The following CPLANE1 variants were observed in gnomAD, a reference collection of about 807,000 sequenced individuals.
The protein encoded by CPLANE1 is ciliogenesis and planar polarity effector complex subunit 1.
A neutral mutation model predicts 362.5 loss-of-function variants in CPLANE1; 263 were observed. The ratio of observed to expected loss-of-function variants is 0.73; its 90% confidence interval spans 0.66 to 0.80. CPLANE1 has a LOEUF of 0.80. CPLANE1 is among the 30% of genes least tolerant of loss of function. CPLANE1 has a pLI of 0.00. For synonymous variants in CPLANE1, 1,212 were observed against 1,302.6 expected (o/e 0.93, Z 1.50); for missense variants, 3,461 against 3,793.4 (o/e 0.91, Z 2.30).
At position 37,183,178 on chromosome 5, in the gene CPLANE1, A is replaced by T; in HGVS notation, c.5003T>A (p.Val1668Asp). 6.2e-7 allele frequency: 1 copy of T among 1,611,636 alleles called. No homozygotes were observed. The highest frequency in any genetic ancestry group is 8.5e-7 in the Non-Finnish European group (1 of 1,179,054). Residue 1668 changes from valine to aspartate, a missense_variant, in exon 26 of 53, where the codon GTC (valine) becomes GAC (aspartate). Val to Asp is a radical substitution (Grantham distance 152). This residue lies in a region of CPLANE1 where 3,380 missense variants were observed against 3,666.1 expected (regional missense o/e 0.92). Transcript: ENST00000651892. ...TCCACTCATTCCTTCATTCTTATTG[A>T]CTTCATTCGAAGGATATTGTAAAAA... is the stretch of plus-strand genomic sequence containing the variant. ...KPFLQYPSNE[V>D]NKNEGMSGLF...
At chr5:37,203,739 A>G (rs760695265) in intron 18 of CPLANE1, among the ~76,000 whole-genome samples, 24 of 152,170 alleles carry the variant, frequency 1.6e-4, no homozygotes, top group Non-Finnish European at 3.5e-4. Context: ...GCTGGTCTCG[A>G]ACTCCTGGGC....
At chr5:37,207,635 T>G (rs2150146150) in intron 16 of CPLANE1, among the ~76,000 whole-genome samples, 1 of 152,348 alleles carries the variant, frequency 6.6e-6, no homozygotes, top group South Asian at 2.1e-4. Context: ...CATAGGAGTT[T>G]GAACACATAG....
intron 8 of CPLANE1, among the ~76,000 whole-genome samples, chr5:37,233,261 C>A (rs1798157897): frequency 6.6e-6 from 1 of 152,244 alleles, no homozygotes; most frequent in South Asian, 2.1e-4. Context: ...AGAGGGGAGA[C>A]CAGGCACTCT....
rs900939464 is a variant in CPLANE1 at position 37,209,660 on chromosome 5, T to G, written c.2921-3235A>C. 3 of 1,394,558 alleles carry G rather than the reference T, an allele frequency of 2.2e-6. No individual in the cohort carries two copies. In the African/African-American group the frequency reaches 4.3e-5, roughly 20 times the overall value. The allele number at this position is 1,394,558 out of a possible 1,614,324, so 86.4% of individuals were successfully genotyped here. A position where few individuals can be genotyped will look rare whatever the true frequency, so the allele number is the denominator to read the frequency against. ...TTTCTGTTTTCTTTCTAGAAAGTGGTTTGGCAAAAGAAAAGGTATTTACTA... is the reference window on the plus strand; with the variant it reads ...TTTCTGTTTTCTTTCTAGAAAGTGGGTTGGCAAAAGAAAAGGTATTTACTA... On this transcript the variant is annotated intron_variant, in intron 16 of 52. Transcript: ENST00000651892. This position sits in a 1 kb window ranked among gnomAD's most constrained non-coding sequence, Gnocchi z 4.6.
chr5:37,187,327 G>T, intron 23 of CPLANE1, 87 bp downstream of exon 23: 3 of 1,107,654 alleles, frequency 2.7e-6, no homozygotes, highest in Admixed American at 2.5e-5. Flanking sequence ...CCAAAGAAAG[G>T]CAACATCATC....
rs1470706207 is a variant in CPLANE1 at position 37,226,433 on chromosome 5, G to A, written c.2162C>T (p.Ala721Val). The change falls in exon 12 of 53, where the codon GCT becomes GTT. Residue 721 changes from alanine (A) to valine (V), a missense_variant. Physicochemically the swap from Ala to Val is moderately conservative, Grantham distance 64. Coordinates refer to ENST00000651892, the MANE Select transcript of CPLANE1 (RefSeq NM_001384732.1). Reference protein sequence around the residue: ...SASADGSKITAQDSLVVPIFQ... With the variant: ...SASADGSKITVQDSLVVPIFQ... ...AATAGGTACCACCAATGAGTCTTGA[G>A]CTGTTATTTTACTTCCATCAGCTGA... 48 of 1,551,206 alleles carry A rather than the reference G, an allele frequency of 3.1e-5. No homozygotes were observed. The highest frequency in any genetic ancestry group is 3.9e-5 in the Non-Finnish European group (45 of 1,146,836).
At chr5:37,127,582 G>A (rs937710576) in intron 46 of CPLANE1, among the ~76,000 whole-genome samples, 3 of 144,066 alleles carry the variant, frequency 2.1e-5, no homozygotes, top group Non-Finnish European at 4.5e-5. Flanking sequence ...GTAATGGCAC[G>A]ATCTTGGCTC....
chr5:37,131,219 T>C (rs1306216840), intron 46 of CPLANE1, among the ~76,000 whole-genome samples: 1 of 152,140 alleles, frequency 6.6e-6, no homozygotes, highest in African/African-American at 2.4e-5. Context: ...GGTTGGTAGA[T>C]ATTAAATCGG....
intron 21 of CPLANE1, 139 bp downstream of exon 21, chr5:37,195,719 G>T: frequency 2.7e-6 from 2 of 732,652 alleles, no homozygotes; most frequent in Non-Finnish European, 2.1e-6. Context: ...ATACATAGCT[G>T]TTAAAGTACA....
intron 43 of CPLANE1, 136 bp downstream of exon 43, chr5:37,148,045 C>T (rs1440817533): frequency 4.0e-6 from 1 of 249,962 alleles, no homozygotes; most frequent in Non-Finnish European, 7.5e-6. Context: ...TAATCCTAAT[C>T]TAAAAACTGG....
intron 12 of CPLANE1, among the ~76,000 whole-genome samples, 198 bp from the exon 13 acceptor site, chr5:37,224,938 C>A (rs1313191917): frequency 2.7e-5 from 4 of 149,670 alleles, no homozygotes; most frequent in African/African-American, 1.0e-4. Context: ...ATTTTAAGCA[C>A]CTGTAATCTT....
rs776434510 is a variant in CPLANE1, at chr5:37,238,879, C to T, written c.916G>A (p.Val306Met). ...TACCTAATAAGTGTAGCTGGAACCACGGGACTCTTGTTACTACATCCTTTA... is the reference window on the plus strand; with the variant it reads ...TACCTAATAAGTGTAGCTGGAACCATGGGACTCTTGTTACTACATCCTTTA... ...SLKGCSNKSP[V>M]VPATLIRSYW... is the part of the protein sequence containing the mutation. Residue 306 changes from valine to methionine, a missense_variant, in exon 8 of 53, where the codon GTG (valine) becomes ATG (methionine). By Grantham distance (21) the Val-to-Met change is conservative (BLOSUM62 1). Around this residue, in one of 2 missense-constraint regions of CPLANE1, gnomAD observed 3,380 missense variants for 3,666.1 expected, o/e 0.92. Coordinates refer to ENST00000651892, the MANE Select transcript of CPLANE1 (RefSeq NM_001384732.1). The T allele has an allele frequency of 6.6e-5, 101 of 1,520,996 alleles. No individual in the cohort carries two copies. The highest frequency in any genetic ancestry group is 2.6e-4 in the Admixed American group (12 of 45,572). The allele number at this position is 1,520,996 out of a possible 1,614,324, so 94.2% of individuals were successfully genotyped here. A position where few individuals can be genotyped will look rare whatever the true frequency, so the allele number is the denominator to read the frequency against.
At chr5:37,113,924 T>C (rs1760116286) in intron 51 of CPLANE1, among the ~76,000 whole-genome samples, 1 of 152,182 alleles carries the variant, frequency 6.6e-6, no homozygotes. Flanking sequence ...GTGATTCTCC[T>C]GCCTCAGCCT....
chr5:37,243,856 C>CT (rs372677145), intron 5 of CPLANE1, among the ~76,000 whole-genome samples: 28,989 of 141,972 alleles, frequency 0.2, 4,214 homozygotes, highest in African/African-American at 0.42. Flanking sequence ...ATATATTATA[C>CT]TTTTTTTTTT....
rs13356615 is a variant in CPLANE1, at chr5:37,208,680, C to T, written c.2921-2255G>A. Among the ~76,000 whole-genome samples the T allele has an allele frequency of 7.9e-5, 9 of 114,176 alleles. No homozygotes were observed. The South Asian group carries it at 8.7e-4, about 11-fold the overall frequency. The allele number at this position is 114,176 out of a possible 152,430, so 74.9% of individuals were successfully genotyped here. A position where few individuals can be genotyped will look rare whatever the true frequency, so the allele number is the denominator to read the frequency against. ...CGATAGAGCAAGACTCTGTCTCCCC[C>T]CCCCCCCAAAAAAAAAAAAGAGTTC... On this transcript the variant is annotated intron_variant, in intron 16 of 52. Transcript: ENST00000651892.
At chr5:37,201,187 AT>A (rs1171365201) in intron 19 of CPLANE1, among the ~76,000 whole-genome samples, 2 of 152,174 alleles carry the variant, frequency 1.3e-5, no homozygotes, top group Non-Finnish European at 2.9e-5. Flanking sequence ...ATGGCTTCTA[AT>A]TCTGACACTC....
At chr5:37,212,316 C>A in intron 16 of CPLANE1, 1 of 912,420 alleles carries the variant, frequency 1.1e-6, no homozygotes, top group Non-Finnish European at 1.9e-6. Context: ...GGACACACTG[C>A]AATGTAGTGA....
chr5:37,120,553 C>T (rs1762344419), intron 49 of CPLANE1, among the ~76,000 whole-genome samples: 1 of 152,190 alleles, frequency 6.6e-6, no homozygotes, highest in South Asian at 2.1e-4. Flanking sequence ...GCACTCCAGC[C>T]TGGGTGACAG....
rs544915445 is a variant in CPLANE1 at position 37,142,317 on chromosome 5, A to G, written c.8625T>C (p.Thr2875=). The change falls in exon 44 of 53, where the codon ACT becomes ACC. Residue 2875 remains threonine, a synonymous_variant. Transcript: ENST00000651892. ...AAAAGTAAAGAACAATACCAGGAGA[A>G]GTAGTATTCTGATCACTGGAACTGG... is the stretch of plus-strand genomic sequence containing the variant. ...SLSSSSDQNT[T]SPGMNSSDEL... 6 of 1,570,934 alleles carry G rather than the reference A, an allele frequency of 3.8e-6. No individual in the cohort carries two copies. The South Asian group carries it at 6.0e-5, about 16-fold the overall frequency.
Sources: gnomAD v4.1 joint callset for allele counts (sites outside exome capture counted in the v4.1 genomes callset) on GRCh38, gnomAD v4.1.1 for gene constraint, gnomAD v4.1.1 regional missense constraint, Gnocchi (gnomAD v3.1) non-coding constraint, MANE v1.5 for transcripts, NCBI Gene and HGNC (gene_info 2026-07-23, HGNC 2026-07-21) for gene names.